The following TMEM68 variants were observed in gnomAD, a reference collection of about 807,000 sequenced individuals.
TMEM68 encodes DGAT1/2-independent enzyme synthesizing storage lipids.
A neutral mutation model predicts 36.9 loss-of-function variants in TMEM68; 25 were observed. The observed-to-expected ratio is 0.68, with a 90% CI of 0.49 to 0.95. The LOEUF (loss-of-function observed/expected upper bound fraction) is 0.95. Ranked by LOEUF, TMEM68 falls within the 40% of genes least tolerant of loss-of-function variation. TMEM68 has a pLI of 0.00. For missense variants in TMEM68, 333 were observed against 392.0 expected (o/e 0.85, Z 1.27); for synonymous variants, 131 against 124.4 (o/e 1.05, Z -0.35).
Position 55,762,809 on chromosome 8 carries a change from G to A in TMEM68, c.151C>T (p.Leu51=). Residue 51 remains leucine, a synonymous_variant, in exon 3 of 8, where the codon CTA becomes TTA. Coordinates refer to ENST00000434581, the MANE Select transcript of TMEM68 (RefSeq NM_001286657.2). ...AAGTAAGGAAGTATTAAAAGTATTA[G>A]TGGTGTAAAAACCCACAAGAGATAG... is the stretch of plus-strand genomic sequence containing the variant. The part of the protein sequence containing the change: ...ANYLLWVFTP[L]ILLILPYFTI... 1 of 1,614,130 alleles carries A rather than the reference G, an allele frequency of 6.2e-7. No individual in the cohort carries two copies. Among genetic ancestry groups the A allele is most frequent in the Non-Finnish European group, 8.5e-7 (1 of 1,180,016 alleles).
chr8:55,767,369 G>A (rs1226893025), intron 1 of TMEM68, among the ~76,000 whole-genome samples: 1 of 152,084 alleles, frequency 6.6e-6, no homozygotes, highest in African/African-American at 2.4e-5. Flanking sequence ...TCGCTTGCTT[G>A]TGAAAAAATA....
chr8:55,739,585 TATCA>T lies in TMEM68; in HGVS notation c.*543_*546del, dbSNP rs1810035534. 1 of 152,630 alleles carries T rather than the reference TATCA, an allele frequency of 6.6e-6. No homozygotes were observed. Among genetic ancestry groups the T allele is most frequent in the Non-Finnish European group, 1.5e-5 (1 of 68,044 alleles). 9.5% of individuals were successfully genotyped at this position (152,630 alleles called of 1,614,324 possible). ...TATTTTATTATTTTGGTTCAACAGT[TATCA>T]ATCACAGTAAATATAAATAACAAAA... On this transcript the variant is annotated 3_prime_UTR_variant, in exon 8 of 8. Transcript: ENST00000434581.
rs112871295 is a variant in TMEM68, at chr8:55,772,735, G to T, written c.-115+534C>A. 5.9e-3 allele frequency among the ~76,000 whole-genome samples: 892 copies of T among 152,316 alleles called. 5 individuals are homozygous for T. The highest frequency in any genetic ancestry group is 0.02 in the African/African-American group (837 of 41,560). On this transcript the variant is annotated intron_variant, in intron 1 of 7. Coordinates refer to ENST00000434581, the MANE Select transcript of TMEM68 (RefSeq NM_001286657.2). ...AAGGTAAGCTCAGAAAGGTGAAGTT[G>T]CCTGCCCAGGTCACAAGGTAGGACC... is the stretch of plus-strand genomic sequence containing the variant.
chr8:55,756,206 A>G (rs1810603048), intron 4 of TMEM68, 38 bp downstream of exon 4: 1 of 1,561,298 alleles, frequency 6.4e-7, no homozygotes, highest in African/African-American at 1.4e-5. Flanking sequence ...TTTTGTTAAT[A>G]AAACATTTTT....
chr8:55,756,685 T>C (rs998997908), intron 3 of TMEM68, among the ~76,000 whole-genome samples: 2 of 151,834 alleles, frequency 1.3e-5, no homozygotes, highest in Non-Finnish European at 2.9e-5. Context: ...CTCACACAGG[T>C]GGTGCGGAGT....
chr8:55,772,753 G>A (rs1811223059), intron 1 of TMEM68, among the ~76,000 whole-genome samples: 1 of 152,184 alleles, frequency 6.6e-6, no homozygotes, highest in Non-Finnish European at 1.5e-5. Flanking sequence ...AGGTCACAAG[G>A]TAGGACCAGG....
Position 55,750,987 on chromosome 8 carries a change from G to A in TMEM68, c.664C>T (p.Gln222Ter). 1 of 1,611,110 alleles carries A rather than the reference G, an allele frequency of 6.2e-7. No homozygotes were observed. Among genetic ancestry groups the A allele is most frequent in the Admixed American group, 1.7e-5 (1 of 58,762 alleles). The change falls in exon 5 of 8, where the codon CAG becomes TAG. Residue 222 changes from glutamine (Q) to a stop codon, truncating the protein, a stop_gained. Coordinates refer to ENST00000434581, the MANE Select transcript of TMEM68 (RefSeq NM_001286657.2). LOFTEE classifies it high-confidence loss of function. ...ACCACTTTTGCATCAATTGCAACCT[G>A]AGCAAAGCCTCTGCGATGACCCCAT... ...IVWGHRRGFA[Q>*]VAIDAKVPII...
intron 3 of TMEM68, among the ~76,000 whole-genome samples, chr8:55,757,467 G>C (rs961324110): frequency 1.3e-5 from 2 of 152,148 alleles, no homozygotes; most frequent in Admixed American, 6.5e-5. Flanking sequence ...GAAAGATTAG[G>C]GGTGAAGCTG....
At chr8:55,753,378 T>TA (rs929347562) in intron 4 of TMEM68, among the ~76,000 whole-genome samples, 143 of 152,226 alleles carry the variant, frequency 9.4e-4, no homozygotes, top group African/African-American at 3.0e-3. Flanking sequence ...TTACTGTAAG[T>TA]AAAAAAATGA....
intron 1 of TMEM68, among the ~76,000 whole-genome samples, chr8:55,766,373 C>CT (rs768070569): frequency 0.012 from 1,357 of 113,050 alleles, 46 homozygotes; most frequent in African/African-American, 0.021. Flanking sequence ...TCTATGCACG[C>CT]TTTTTTTTTT....
At chr8:55,770,770 T>C (rs73601099) in intron 1 of TMEM68, among the ~76,000 whole-genome samples, 9,029 of 152,276 alleles carry the variant, frequency 0.059, 305 homozygotes, top group African/African-American at 0.092. Context: ...TACAGCCCCC[T>C]GCTCCTAAAA....
At position 55,739,976 on chromosome 8, in the gene TMEM68, A is replaced by G; in HGVS notation, c.*156T>C. The G allele has an allele frequency of 1.8e-6, 1 of 552,226 alleles. No homozygotes were observed. Among genetic ancestry groups the G allele is most frequent in the Non-Finnish European group, 3.1e-6 (1 of 325,368 alleles). The allele number at this position is 552,226 out of a possible 1,614,324, so 34.2% of individuals were successfully genotyped here. On this transcript the variant is annotated 3_prime_UTR_variant, in exon 8 of 8. Transcript: ENST00000434581. ...TGACACAATTGCAAAAACAAAATTGACTATTTTAAAGAAACGAATTCTGTG... is the reference window on the plus strand; with the variant it reads ...TGACACAATTGCAAAAACAAAATTGGCTATTTTAAAGAAACGAATTCTGTG...
At chr8:55,766,041 T>C (rs1030007815) in intron 1 of TMEM68, among the ~76,000 whole-genome samples, 7 of 152,150 alleles carry the variant, frequency 4.6e-5, no homozygotes, top group African/African-American at 1.7e-4. Context: ...AGTAAATACA[T>C]GCTAGGTCAG....
In TMEM68 at chr8:55,740,184, T is replaced by C. The variant is rs754974763; in HGVS notation, c.923A>G (p.His308Arg). The change falls in exon 8 of 8, where the codon CAC becomes CGC. Residue 308 changes from histidine (H) to arginine (R), a missense_variant. Coordinates refer to ENST00000434581, the MANE Select transcript of TMEM68 (RefSeq NM_001286657.2). ...KNAVQALIDK[H>R]QRIPGNIMSA... is the part of the protein sequence containing the mutation. ...CATAATGTTTCCTGGTATTCTTTGG[T>C]GCTTATCAATCAAAGCTTGAACAGC... 1.9e-6 allele frequency: 3 copies of C among 1,613,434 alleles called. No individual in the cohort carries two copies. The South Asian group carries it at 3.3e-5, about 18-fold the overall frequency.
At chr8:55,762,387 C>A (rs1197129383) in intron 3 of TMEM68, 1 of 468,746 alleles carries the variant, frequency 2.1e-6, no homozygotes, top group African/African-American at 2.0e-5. Context: ...TATAAATTTT[C>A]TTATTTCAAC....
intron 1 of TMEM68, among the ~76,000 whole-genome samples, chr8:55,770,691 A>C (rs527944697): frequency 2.0e-5 from 3 of 151,860 alleles, no homozygotes; most frequent in East Asian, 3.9e-4. Context: ...GCAGGGGGGA[A>C]CTCTATGTAC....
At chr8:55,746,746 G>A (rs1810291099) in intron 5 of TMEM68, 1 of 152,158 alleles carries the variant, frequency 6.6e-6, no homozygotes, top group African/African-American at 2.4e-5. Flanking sequence ...AGAGACTACA[G>A]GCAAAGCCTT....
At chr8:55,747,560 T>G in intron 5 of TMEM68, 1 of 152,060 alleles carries the variant, frequency 6.6e-6, no homozygotes, top group East Asian at 1.9e-4. Context: ...TTGAACTGGT[T>G]TCAAGGGATC....
chr8:55,740,022 T>C lies in TMEM68; in HGVS notation c.*110A>G, dbSNP rs1810050457. The C allele has an allele frequency of 3.8e-6, 3 of 793,858 alleles. No individual in the cohort carries two copies. Among genetic ancestry groups the C allele is most frequent in the South Asian group, 4.3e-5 (2 of 46,680 alleles). 49.2% of individuals were successfully genotyped at this position (793,858 alleles called of 1,614,324 possible). A position where few individuals can be genotyped will look rare whatever the true frequency, so the allele number is the denominator to read the frequency against. ...CTGTGAAAGATGCTTATTAACATGATTTTTTTAAAAAATACTAATTATAGG... is the reference window on the plus strand; with the variant it reads ...CTGTGAAAGATGCTTATTAACATGACTTTTTTAAAAAATACTAATTATAGG... On this transcript the variant is annotated 3_prime_UTR_variant, in exon 8 of 8. Coordinates refer to ENST00000434581, the MANE Select transcript of TMEM68 (RefSeq NM_001286657.2).
Sources: gnomAD v4.1 joint callset for allele counts (sites outside exome capture counted in the v4.1 genomes callset) on GRCh38, gnomAD v4.1.1 for gene constraint, MANE v1.5 for transcripts, NCBI Gene and HGNC (gene_info 2026-07-23, HGNC 2026-07-21) for gene names.